Variants in TMEM184B observed in about 807,000 individuals in gnomAD.
TMEM184B encodes the protein transmembrane protein 184B.
In TMEM184B, 17 loss-of-function variants were observed where a neutral mutation model predicts 41.8. The observed-to-expected ratio is 0.41, with a 90% CI of 0.28 to 0.61. The LOEUF (loss-of-function observed/expected upper bound fraction) is 0.61. Ranked by LOEUF, TMEM184B falls within the 20% of genes least tolerant of loss-of-function variation. The probability of loss-of-function intolerance (pLI) is 0.34; values close to 1 mark genes in which losing one functional copy is unlikely to be tolerated. For synonymous variants in TMEM184B, 240 were observed against 229.5 expected (o/e 1.05, Z -0.41); for missense variants, 393 against 557.8 (o/e 0.70, Z 2.98).
chr22:38,265,263 C>T (rs183072691), intron 1 of TMEM184B, among the ~76,000 whole-genome samples: 58 of 152,296 alleles, frequency 3.8e-4, no homozygotes, highest in African/African-American at 1.3e-3. Context: ...TGAGCCTCAG[C>T]CCAACTACCC....
downstream of TMEM184B, among the ~76,000 whole-genome samples, chr22:38,218,451 A>G (rs866681190): frequency 4.6e-5 from 7 of 152,326 alleles, no homozygotes; most frequent in Middle Eastern, 3.4e-3. Flanking sequence ...GTGGGGCTGC[A>G]GGTTTTAACA....
downstream of TMEM184B, among the ~76,000 whole-genome samples, chr22:38,217,830 C>CAAA (rs374397588): frequency 2.6e-3 from 224 of 87,586 alleles, 3 homozygotes; most frequent in East Asian, 0.019. Flanking sequence ...GACTCCATCT[C>CAAA]AAAAAAAAAA....
intron 1 of TMEM184B, among the ~76,000 whole-genome samples, chr22:38,260,708 T>C (rs1385184756): frequency 1.3e-5 from 2 of 152,212 alleles, no homozygotes; most frequent in African/African-American, 4.8e-5. Context: ...TCTGGCACCA[T>C]GTGATGTCAG....
intron 1 of TMEM184B, 83 bp downstream of exon 1, chr22:38,272,801 C>G (rs1235029872): frequency 1.7e-5 from 17 of 982,258 alleles, no homozygotes; most frequent in Non-Finnish European, 2.1e-5. Flanking sequence ...TCGCGCGGGC[C>G]TCTCCGAAAC....
intron 2 of TMEM184B, chr22:38,246,993 A>G (rs1225021263): frequency 1.5e-5 from 9 of 592,770 alleles, no homozygotes; most frequent in South Asian, 1.3e-4. Flanking sequence ...CAAGGGGCTG[A>G]CTAGGGAACA....
At chr22:38,224,581 T>C (rs2091370961) in intron 8 of TMEM184B, among the ~76,000 whole-genome samples, 1 of 152,188 alleles carries the variant, frequency 6.6e-6, no homozygotes, top group African/African-American at 2.4e-5. Context: ...AAGGGACAGG[T>C]GGCCTGAGCT....
chr22:38,246,057 C>T lies in TMEM184B; in HGVS notation c.236G>A (p.Arg79His), dbSNP rs1444909539. The T allele has an allele frequency of 6.2e-7, 1 of 1,613,136 alleles. No individual in the cohort carries two copies. The stretch of plus-strand genomic sequence containing the variant: ...GATGAAGAGGATGCGCACGATGTAG[C>T]GCTGCTCGTTGGGGCAGCTGTAGCA... ...LRCYSCPNEQ[R>H]YIVRILFIVP... Residue 79 changes from arginine to histidine, a missense_variant, in exon 3 of 9, where the codon CGC (arginine) becomes CAC (histidine). By Grantham distance (29) the Arg-to-His change is conservative. Coordinates refer to ENST00000361906, the MANE Select transcript of TMEM184B (RefSeq NM_012264.5).
chr22:38,269,858 G>A (rs1212769705), intron 1 of TMEM184B, among the ~76,000 whole-genome samples: 3 of 152,098 alleles, frequency 2.0e-5, no homozygotes, highest in African/African-American at 7.2e-5. Context: ...GAAAGGCGGC[G>A]GGGTCTAAAA....
At chr22:38,249,724 G>A (rs915021169) in intron 1 of TMEM184B, among the ~76,000 whole-genome samples, 1 of 152,228 alleles carries the variant, frequency 6.6e-6, no homozygotes, top group African/African-American at 2.4e-5. Flanking sequence ...CGATTTATGG[G>A]ATTTTGTCAT....
At chr22:38,256,977 G>GTTTTTTTTTTTTT (rs777863582) in intron 1 of TMEM184B, among the ~76,000 whole-genome samples, 27 of 124,294 alleles carry the variant, frequency 2.2e-4, no homozygotes, top group African/African-American at 6.2e-4. Flanking sequence ...GACATTAATA[G>GTTTTTTTTTTTTT]TTTTTTTTTT....
In TMEM184B at chr22:38,221,193, C is replaced by T. The variant is rs1569007925; in HGVS notation, c.*276G>A. 1.5e-6 allele frequency: 2 copies of T among 1,300,172 alleles called. No individual in the cohort carries two copies. Among genetic ancestry groups the T allele is most frequent in the South Asian group, 2.1e-5 (1 of 48,656 alleles). 80.5% of individuals were successfully genotyped at this position (1,300,172 alleles called of 1,614,324 possible). Reference sequence around the variant, plus strand: ...GGCTGGTCCCAGCATGCCCCCAGCACAGGACGGGCAGCAGGGGCATAAGCC... The same window carrying T: ...GGCTGGTCCCAGCATGCCCCCAGCATAGGACGGGCAGCAGGGGCATAAGCC... On this transcript the variant is annotated 3_prime_UTR_variant, in exon 9 of 9. Transcript: ENST00000361906.
chr22:38,272,567 A>G (rs1602522539), intron 1 of TMEM184B: 2 of 985,566 alleles, frequency 2.0e-6, no homozygotes, highest in South Asian at 9.4e-5. Context: ...GCCTTGGTCC[A>G]TCCGCCTCCC....
At chr22:38,230,120 GCGGC>G (rs1482018467) in intron 5 of TMEM184B, among the ~76,000 whole-genome samples, 103 of 85,688 alleles carry the variant, frequency 1.2e-3, no homozygotes, top group African/African-American at 5.2e-3. Flanking sequence ...GGAAGCTAGA[GCGGC>G]TGGATTGCCA....
intron 3 of TMEM184B, among the ~76,000 whole-genome samples, chr22:38,232,921 T>TCC (rs1602395062): frequency 6.6e-6 from 1 of 152,164 alleles, no homozygotes; most frequent in South Asian, 2.1e-4. Context: ...GTGTGACAAG[T>TCC]CCCCGGTGAC....
chr22:38,266,256 C>T (rs1243010981), intron 1 of TMEM184B, among the ~76,000 whole-genome samples: 3 of 152,248 alleles, frequency 2.0e-5, no homozygotes, highest in South Asian at 2.1e-4. Flanking sequence ...AACAGGCACA[C>T]GTGCTTCCAC....
chr22:38,272,501 G>A (rs546014115), intron 1 of TMEM184B: 7 of 985,388 alleles, frequency 7.1e-6, no homozygotes, highest in African/African-American at 1.7e-5. Context: ...CCACTCACTC[G>A]GCCGTGCCAG....
In TMEM184B at chr22:38,222,713, G is replaced by T. The variant is rs1420652121; in HGVS notation, c.983-1003C>A. ...AAGCAGGGCAAGGGGGGCGGGGAGA[G>T]AAGCCAAAGAAATAGAGAAGACAAG... On this transcript the variant is annotated intron_variant, in intron 8 of 8. Coordinates refer to ENST00000361906, the MANE Select transcript of TMEM184B (RefSeq NM_012264.5). 8.1e-6 allele frequency: 8 copies of T among 985,622 alleles called. No homozygotes were observed. The South Asian group carries it at 2.8e-4, about 35-fold the overall frequency. The allele number at this position is 985,622 out of a possible 1,614,324, so 61.1% of individuals were successfully genotyped here.
chr22:38,219,148 T>C (rs1213013565), downstream of TMEM184B: 16 of 636,284 alleles, frequency 2.5e-5, no homozygotes, highest in Non-Finnish European at 2.5e-5. Flanking sequence ...CCTTGGTCCC[T>C]ATCAATCCGA....
chr22:38,266,927 C>T (rs796272940), intron 1 of TMEM184B, among the ~76,000 whole-genome samples: 12 of 152,066 alleles, frequency 7.9e-5, no homozygotes, highest in African/African-American at 2.7e-4. Context: ...ACTAAAAATA[C>T]AAAAAATTAG....
Sources: gnomAD v4.1 joint callset for allele counts (sites outside exome capture counted in the v4.1 genomes callset) on GRCh38, gnomAD v4.1.1 for gene constraint, MANE v1.5 for transcripts, NCBI Gene and HGNC (gene_info 2026-07-23, HGNC 2026-07-21) for gene names.